DPYD: variants seen among roughly 807,000 people sequenced by gnomAD.
The protein encoded by DPYD is dihydropyrimidine dehydrogenase [NADP(+)].
Under a neutral mutation model 116.2 loss-of-function variants are expected in DPYD, and 109 were observed. The observed-to-expected ratio is 0.94, with a 90% CI of 0.80 to 1.10. The LOEUF (loss-of-function observed/expected upper bound fraction) is 1.10, where lower values mean the gene tolerates loss of function less well. Among genes scored for constraint, DPYD ranks in the 50% least tolerant of loss-of-function variants. The pLI is 0.00. For missense variants in DPYD, 1,302 were observed against 1,254.5 expected, an observed-to-expected ratio of 1.04 and a Z score of -0.57; for synonymous variants, 440 against 432.0, an observed-to-expected ratio of 1.02 and a Z score of -0.23.
In DPYD at chr1:97,631,255, G is replaced by A. The variant is rs973446395; in HGVS notation, c.851-36089C>T. ...GGAGTGATGGCTGCAAGGCATAAAA[G>A]GGTACAGACTCTCTCTGACTAGCAA... On this transcript the variant is annotated intron_variant, in intron 8 of 22. Transcript: ENST00000370192. Among the ~76,000 whole-genome samples the A allele has an allele frequency of 1.3e-5, 2 of 152,080 alleles. 1 individual carries two copies. The highest frequency in any genetic ancestry group is 4.1e-4 in the South Asian group (2 of 4,834).
rs562871691 is a variant in DPYD, at chr1:97,284,297, T to C, written c.2299+20962A>G. Among the ~76,000 whole-genome samples the C allele has an allele frequency of 2.0e-5, 3 of 152,252 alleles. No homozygotes were observed. The South Asian group carries it at 6.2e-4, about 32-fold the overall frequency. Reference sequence around the variant, plus strand: ...ACTCATTAAGTGTGAGTTTGACTTTTGGTTTATGATGTATATTCTCAATAT... The same window carrying C: ...ACTCATTAAGTGTGAGTTTGACTTTCGGTTTATGATGTATATTCTCAATAT... On this transcript the variant is annotated intron_variant, in intron 18 of 22. Coordinates refer to ENST00000370192, the MANE Select transcript of DPYD (RefSeq NM_000110.4).
At chr1:97,518,233 C>T (rs1161892178) in intron 12 of DPYD, among the ~76,000 whole-genome samples, 1 of 151,788 alleles carries the variant, frequency 6.6e-6, no homozygotes, top group Non-Finnish European at 1.5e-5. Flanking sequence ...AGAAATACAG[C>T]TTCTTATATA....
intron 13 of DPYD, among the ~76,000 whole-genome samples, chr1:97,455,893 T>A (rs1676656246): frequency 6.6e-6 from 1 of 151,934 alleles, no homozygotes; most frequent in South Asian, 2.1e-4. Flanking sequence ...GTACTCAATA[T>A]CTGAATTAGT....
intron 10 of DPYD, among the ~76,000 whole-genome samples, chr1:97,582,657 C>T (rs1238381667): frequency 2.0e-5 from 3 of 152,304 alleles, no homozygotes; most frequent in East Asian, 1.9e-4. Flanking sequence ...GCTGAGACCA[C>T]AAATTGACAT....
At chr1:97,087,528 T>C (rs1649602240) in intron 21 of DPYD, among the ~76,000 whole-genome samples, 1 of 152,120 alleles carries the variant, frequency 6.6e-6, no homozygotes, top group Non-Finnish European at 1.5e-5. Flanking sequence ...GTGAGACTTT[T>C]GGAACCAAAG....
chr1:97,606,377 C>T (rs995502238), intron 8 of DPYD, among the ~76,000 whole-genome samples: 1 of 151,912 alleles, frequency 6.6e-6, no homozygotes, highest in East Asian at 1.9e-4. Flanking sequence ...AAGACACCTG[C>T]TATGAGAGAA....
rs1650126352 is a variant in DPYD at position 97,094,800 on chromosome 1, G to A, written c.2766+3689C>T. 2.6e-5 allele frequency among the ~76,000 whole-genome samples: 4 copies of A among 152,200 alleles called. No homozygotes were observed. In the South Asian group the frequency reaches 8.3e-4, roughly 32 times the overall value. On this transcript the variant is annotated intron_variant, in intron 21 of 22. Transcript: ENST00000370192. Reference sequence around the variant, plus strand: ...TAAAGGAAGATTATACAGAGAGAAGGAAGCAGAGAGGTGAATACAGACACC... The same window carrying A: ...TAAAGGAAGATTATACAGAGAGAAGAAAGCAGAGAGGTGAATACAGACACC...
chr1:97,770,855 T>G (rs1666102923), intron 3 of DPYD, among the ~76,000 whole-genome samples: 1 of 152,180 alleles, frequency 6.6e-6, no homozygotes, highest in African/African-American at 2.4e-5. Flanking sequence ...ATACACAGGA[T>G]GTGTTTGTGC....
intron 8 of DPYD, among the ~76,000 whole-genome samples, chr1:97,630,446 C>G (rs1657188139): frequency 6.6e-6 from 1 of 152,074 alleles, no homozygotes; most frequent in Non-Finnish European, 1.5e-5. Flanking sequence ...CCACATCCCC[C>G]TCTTGGGGTG....
At chr1:97,827,517 G>T (rs1029734502) in intron 3 of DPYD, among the ~76,000 whole-genome samples, 1 of 151,830 alleles carries the variant, frequency 6.6e-6, no homozygotes, top group Non-Finnish European at 1.5e-5. Flanking sequence ...TTATTTAAAA[G>T]GCATCAAATT....
intron 8 of DPYD, among the ~76,000 whole-genome samples, chr1:97,648,159 A>T (rs570913182): frequency 9.2e-5 from 14 of 152,168 alleles, no homozygotes; most frequent in Middle Eastern, 3.4e-3. Flanking sequence ...TGGCAATCAG[A>T]AAACCATACT....
chr1:97,588,295 C>T (rs961485046), intron 10 of DPYD, among the ~76,000 whole-genome samples: 1 of 152,024 alleles, frequency 6.6e-6, no homozygotes, highest in African/African-American at 2.4e-5. Flanking sequence ...AAAGATCAAT[C>T]GTGTTTTGCT....
chr1:97,289,681 C>T (rs534501435), intron 18 of DPYD, among the ~76,000 whole-genome samples: 52 of 152,276 alleles, frequency 3.4e-4, no homozygotes, highest in African/African-American at 9.1e-4. Context: ...ATTGATGGGA[C>T]GTATCTCAAA....
chr1:97,536,033 G>T (rs1322606755), intron 12 of DPYD, among the ~76,000 whole-genome samples: 3 of 152,174 alleles, frequency 2.0e-5, no homozygotes, highest in African/African-American at 7.2e-5. Flanking sequence ...AACTGAAGAA[G>T]ACTTCATTTT....
intron 12 of DPYD, among the ~76,000 whole-genome samples, chr1:97,538,364 C>T (rs574623462): frequency 1.9e-3 from 291 of 152,304 alleles, no homozygotes; most frequent in African/African-American, 6.9e-3. Context: ...TTCACATAGC[C>T]TATTGAACTG....
At chr1:97,475,093 C>T (rs547806843) in intron 13 of DPYD, among the ~76,000 whole-genome samples, 14 of 152,120 alleles carry the variant, frequency 9.2e-5, no homozygotes, top group African/African-American at 2.7e-4. Flanking sequence ...AACTGTAAGA[C>T]CAATGGAGCA....
intron 16 of DPYD, among the ~76,000 whole-genome samples, chr1:97,314,800 C>G (rs2101071338): frequency 6.6e-6 from 1 of 152,092 alleles, no homozygotes; most frequent in Non-Finnish European, 1.5e-5. Flanking sequence ...CCTCACCTGG[C>G]CATGGTAATG....
At chr1:97,492,831 A>G (rs1031478327) in intron 13 of DPYD, among the ~76,000 whole-genome samples, 7 of 152,192 alleles carry the variant, frequency 4.6e-5, no homozygotes, top group Non-Finnish European at 8.8e-5. Context: ...CCCCCCACCC[A>G]GAAGTATCTC....
chr1:97,533,857 A>C (rs1313167708), intron 12 of DPYD, among the ~76,000 whole-genome samples: 1 of 152,118 alleles, frequency 6.6e-6, no homozygotes, highest in Non-Finnish European at 1.5e-5. Context: ...AGAAATAACA[A>C]TATCTATAGG....
Sources: allele counts gnomAD v4.1 joint callset (sites outside exome capture counted in the v4.1 genomes callset), GRCh38; gene constraint gnomAD v4.1.1; transcripts MANE v1.5; gene names NCBI Gene and HGNC (gene_info 2026-07-23, HGNC 2026-07-21).